Variants in GRB10 observed in about 807,000 individuals in gnomAD.
GRB10 encodes growth factor receptor-bound protein 10.
A neutral mutation model predicts 80.9 loss-of-function variants in GRB10; 20 were observed. That is an observed-to-expected ratio of 0.25 (90% confidence interval 0.17 to 0.36). The LOEUF (loss-of-function observed/expected upper bound fraction) is 0.36, where lower values mean the gene tolerates loss of function less well. Among genes scored for constraint, GRB10 ranks in the 10% least tolerant of loss-of-function variants. GRB10 has a pLI of 1.00. For missense variants in GRB10, 548 were observed against 747.7 expected, an observed-to-expected ratio of 0.73 and a Z score of 3.12; for synonymous variants, 291 against 291.5, an observed-to-expected ratio of 1.00 and a Z score of 0.02.
intron 8 of GRB10, among the ~76,000 whole-genome samples, chr7:50,623,112 C>T (rs1157576086): frequency 6.6e-6 from 1 of 152,178 alleles, no homozygotes; most frequent in African/African-American, 2.4e-5. Flanking sequence ...ATGGGGACAC[C>T]TTCCAAAAAA....
intron 3 of GRB10, among the ~76,000 whole-genome samples, 171 bp from the exon 4 acceptor site, chr7:50,732,539 G>T (rs1479184630): frequency 6.6e-6 from 1 of 152,158 alleles, no homozygotes. Flanking sequence ...TGCAGAGATG[G>T]TCCCCAACTA....
At chr7:50,659,290 T>A (rs2058977337) in intron 7 of GRB10, among the ~76,000 whole-genome samples, 2 of 152,080 alleles carry the variant, frequency 1.3e-5, no homozygotes, top group South Asian at 4.1e-4. Context: ...ACAACTCAGG[T>A]AACTGGCATT....
chr7:50,627,962 C>T (rs1000601424), intron 7 of GRB10, among the ~76,000 whole-genome samples: 3 of 152,164 alleles, frequency 2.0e-5, no homozygotes, highest in African/African-American at 7.2e-5. Context: ...CTGCCTTGCA[C>T]CGGCTCCCTT....
At chr7:50,713,156 C>G (rs572349473) in intron 4 of GRB10, among the ~76,000 whole-genome samples, 15 of 152,184 alleles carry the variant, frequency 9.9e-5, no homozygotes, top group South Asian at 4.1e-4. Flanking sequence ...ATTAAACCAC[C>G]CTGTGTGAGT....
At chr7:50,653,776 C>T (rs1249965281) in intron 7 of GRB10, among the ~76,000 whole-genome samples, 1 of 152,226 alleles carries the variant, frequency 6.6e-6, no homozygotes, top group Non-Finnish European at 1.5e-5. Context: ...GCCACCCCTG[C>T]CATCCCCCAG....
At chr7:50,732,231 G>C (rs780297846) in intron 4 of GRB10, 41 bp downstream of exon 4, 137 of 1,599,886 alleles carry the variant, frequency 8.6e-5, no homozygotes, top group Middle Eastern at 6.7e-4. Context: ...CCCTCGACCA[G>C]CACCATCGGG....
intron 5 of GRB10, among the ~76,000 whole-genome samples, chr7:50,703,082 T>C (rs1333112407): frequency 1.3e-5 from 2 of 152,240 alleles, no homozygotes; most frequent in Non-Finnish European, 2.9e-5. Flanking sequence ...CTTGACAGCT[T>C]TTATGAATCT....
At chr7:50,647,073 A>G (rs2057308044) in intron 7 of GRB10, among the ~76,000 whole-genome samples, 1 of 152,224 alleles carries the variant, frequency 6.6e-6, no homozygotes, top group South Asian at 2.1e-4. Flanking sequence ...AAGAAAGCTC[A>G]TTTAGGCATG....
intron 5 of GRB10, among the ~76,000 whole-genome samples, chr7:50,689,009 C>T (rs1563452714): frequency 6.6e-6 from 1 of 152,132 alleles, no homozygotes; most frequent in Non-Finnish European, 1.5e-5. Context: ...AGGGTGGAGG[C>T]CAGGAAGAGT....
chr7:50,657,968 G>A (rs1241050586), intron 7 of GRB10, among the ~76,000 whole-genome samples: 4 of 152,122 alleles, frequency 2.6e-5, no homozygotes, highest in Admixed American at 2.6e-4. Context: ...AGAGCCTAAG[G>A]AAAGAAAAAC....
intron 7 of GRB10, among the ~76,000 whole-genome samples, chr7:50,669,273 T>C (rs935075260): frequency 2.6e-5 from 4 of 152,252 alleles, no homozygotes; most frequent in Non-Finnish European, 4.4e-5. Flanking sequence ...ACAAGAATCA[T>C]GGTGCGGGCA....
chr7:50,710,402 TACC>T (rs2065708221), intron 4 of GRB10, among the ~76,000 whole-genome samples: 1 of 152,166 alleles, frequency 6.6e-6, no homozygotes, highest in Non-Finnish European at 1.5e-5. Context: ...AAGCAGCCCC[TACC>T]ACCAGTCATT....
chr7:50,775,392 C>A (rs1303761291), intron 2 of GRB10, among the ~76,000 whole-genome samples: 1 of 152,156 alleles, frequency 6.6e-6, no homozygotes, highest in Non-Finnish European at 1.5e-5. Flanking sequence ...GGCAGCCCTG[C>A]AGCCAACTGC....
chr7:50,665,231 G>C (rs574789603), intron 7 of GRB10, among the ~76,000 whole-genome samples: 2 of 152,336 alleles, frequency 1.3e-5, no homozygotes, highest in African/African-American at 4.8e-5. Flanking sequence ...TTCCGTGAGG[G>C]AATAGGTCTG....
At chr7:50,752,453 G>A (rs1319257539) in intron 3 of GRB10, among the ~76,000 whole-genome samples, 1 of 152,176 alleles carries the variant, frequency 6.6e-6, no homozygotes, top group Admixed American at 6.5e-5. Context: ...AAGGTGAAAG[G>A]CATACCATTC....
intron 5 of GRB10, among the ~76,000 whole-genome samples, chr7:50,692,134 T>C (rs955735057): frequency 2.0e-5 from 3 of 152,162 alleles, no homozygotes; most frequent in Admixed American, 1.3e-4. Context: ...TTACATTGCA[T>C]TAAGTATTAT....
intron 7 of GRB10, among the ~76,000 whole-genome samples, chr7:50,652,414 A>G (rs978074681): frequency 1.3e-5 from 2 of 152,224 alleles, no homozygotes; most frequent in African/African-American, 4.8e-5. Context: ...TTTCTATAGA[A>G]GCAACCTGTC....
At chr7:50,605,648 G>T (rs949479595) in intron 14 of GRB10, among the ~76,000 whole-genome samples, 4 of 152,126 alleles carry the variant, frequency 2.6e-5, no homozygotes, top group African/African-American at 4.8e-5. Flanking sequence ...AAGGCTGCTG[G>T]TGAGGCCCCC....
At chr7:50,646,174 A>G (rs2153612567) in intron 7 of GRB10, among the ~76,000 whole-genome samples, 1 of 152,330 alleles carries the variant, frequency 6.6e-6, no homozygotes, top group East Asian at 1.9e-4. Context: ...GTGCCATTAA[A>G]TGGTATATAA....
Sources: gnomAD v4.1 joint callset for allele counts (sites outside exome capture counted in the v4.1 genomes callset) on GRCh38, gnomAD v4.1.1 for gene constraint, MANE v1.5 for transcripts, NCBI Gene and HGNC (gene_info 2026-07-23, HGNC 2026-07-21) for gene names.